DIP2A: variants seen among roughly 807,000 people sequenced by gnomAD.
The protein encoded by DIP2A is DIP2 acetate--CoA ligase A, also known as disco-interacting protein 2 homolog A.
DIP2A carries 85 observed loss-of-function variants against 177.4 expected under a neutral mutation model. The ratio of observed to expected loss-of-function variants is 0.48; its 90% CI spans 0.40 to 0.57. The LOEUF (loss-of-function observed/expected upper bound fraction) is 0.57. Among genes scored for constraint, DIP2A ranks in the 20% least tolerant of loss-of-function variants. DIP2A has a pLI of 0.00. For missense variants in DIP2A, 1,791 were observed against 2,100.2 expected (o/e 0.85, Z 2.88); for synonymous variants, 886 against 881.8 (o/e 1.00, Z -0.08).
intron 8 of DIP2A, among the ~76,000 whole-genome samples, chr21:46,515,909 C>T (rs971105769): frequency 1.9e-4 from 29 of 152,272 alleles, no homozygotes; most frequent in Middle Eastern, 3.4e-3. Context: ...TACATTCCTT[C>T]CTGAGATTCT....
chr21:46,504,507 TCTC>T lies in DIP2A; in HGVS notation c.784+22_784+24del, dbSNP rs2057871355. The T allele has an allele frequency of 6.3e-7, 1 of 1,590,806 alleles. No individual in the cohort carries two copies. ...AGCAGATGGTGAGCCTGCCTCTCTT[TCTC>T]CTCGTGAAATAGCAGAACACAGGTT... is the stretch of plus-strand genomic sequence containing the variant. On this transcript the variant is annotated intron_variant, in intron 6 of 37. Transcript: ENST00000417564.
intron 5 of DIP2A, among the ~76,000 whole-genome samples, chr21:46,500,400 G>A (rs1039232917): frequency 6.6e-6 from 1 of 152,150 alleles, no homozygotes; most frequent in Non-Finnish European, 1.5e-5. Context: ...TCCTCAAGGT[G>A]GTGTACAGTC....
intron 18 of DIP2A, among the ~76,000 whole-genome samples, chr21:46,544,551 T>C (rs1436159366): frequency 6.6e-6 from 1 of 152,170 alleles, no homozygotes; most frequent in Non-Finnish European, 1.5e-5. Flanking sequence ...TAGCCTGTAG[T>C]GTGTGCAGCA....
intron 2 of DIP2A, 137 bp downstream of exon 2, chr21:46,484,965 T>A: frequency 3.9e-6 from 3 of 761,752 alleles, no homozygotes; most frequent in Non-Finnish European, 5.9e-6. Flanking sequence ...GATTATTGAT[T>A]GAGACAGGGT....
intron 3 of DIP2A, among the ~76,000 whole-genome samples, chr21:46,496,690 G>A (rs535328312): frequency 3.0e-4 from 45 of 152,256 alleles, no homozygotes; most frequent in Middle Eastern, 3.4e-3. Context: ...AACAAGCATG[G>A]TTTAAACCAA....
chr21:46,535,900 A>G (rs1178143874), intron 13 of DIP2A, among the ~76,000 whole-genome samples: 1 of 152,154 alleles, frequency 6.6e-6, no homozygotes, highest in Non-Finnish European at 1.5e-5. Flanking sequence ...TGTGCTAACC[A>G]GGTATCTGCA....
the DIP2A span, among the ~76,000 whole-genome samples, chr21:46,580,878 T>A: frequency 6.6e-6 from 1 of 152,200 alleles, no homozygotes; most frequent in Non-Finnish European, 1.5e-5. Flanking sequence ...CCTTAACATT[T>A]TTTCCTTCAT....
Position 46,458,954 on chromosome 21 carries a change from G to A in DIP2A, c.-178G>A. 1 of 390,560 alleles carries A rather than the reference G, an allele frequency of 2.6e-6. No homozygotes were observed. The highest frequency in any genetic ancestry group is 4.3e-6 in the Non-Finnish European group (1 of 230,574). The allele number at this position is 390,560 out of a possible 1,614,324, so 24.2% of individuals were successfully genotyped here. A position where few individuals can be genotyped will look rare whatever the true frequency, so the allele number is the denominator to read the frequency against. On this transcript the variant is annotated 5_prime_UTR_variant, in exon 1 of 38. Transcript: ENST00000417564. Reference sequence around the variant, plus strand: ...GCGGCGGCGCGGCGGAGCCATCCGCGCTCGTGCCCGCGCGGGTGCGTTGCT... The same window carrying A: ...GCGGCGGCGCGGCGGAGCCATCCGCACTCGTGCCCGCGCGGGTGCGTTGCT...
At chr21:46,533,254 A>G (rs1314288984) in intron 10 of DIP2A, among the ~76,000 whole-genome samples, 2 of 152,264 alleles carry the variant, frequency 1.3e-5, no homozygotes, top group South Asian at 2.1e-4. Context: ...ATTTGTAAGA[A>G]TAAACTTTGA....
At chr21:46,479,306 A>G (rs2056165682) in intron 1 of DIP2A, among the ~76,000 whole-genome samples, 1 of 152,222 alleles carries the variant, frequency 6.6e-6, no homozygotes, top group Non-Finnish European at 1.5e-5. Context: ...TCCCATTGGA[A>G]GAGTTGGTCT....
rs552325804 is a variant in DIP2A at position 46,565,651 on chromosome 21, G to A, written c.4165-62G>A. ...ATTATTCTTGGCCAGTGGATGTCTC[G>A]TGACAGAATCTGAACTCGGTGGTTG... On this transcript the variant is annotated intron_variant, in intron 35 of 37. Transcript: ENST00000417564. The A allele has an allele frequency of 5.5e-4, 838 of 1,516,112 alleles. 3 individuals are homozygous for A. Among genetic ancestry groups the A allele is most frequent in the Non-Finnish European group, 5.1e-4 (574 of 1,120,228 alleles). 93.9% of individuals were successfully genotyped at this position (1,516,112 alleles called of 1,614,324 possible).
intron 2 of DIP2A, among the ~76,000 whole-genome samples, chr21:46,485,817 A>T (rs1190764060): frequency 6.6e-6 from 1 of 152,138 alleles, no homozygotes; most frequent in Non-Finnish European, 1.5e-5. Context: ...TCACGCCTGT[A>T]ATCCCAGCAC....
chr21:46,569,701 CTT>C lies in DIP2A; in HGVS notation c.*2081_*2082del, dbSNP rs979125825. On this transcript the variant is annotated 3_prime_UTR_variant, in exon 38 of 38. Transcript: ENST00000417564. ...TCATTATGTTAATAAAAGTTATTGA[CTT>C]TGTAATTCTGCATTTTGAAATGTGT... is the stretch of plus-strand genomic sequence containing the variant. 2 of 152,092 alleles carry C rather than the reference CTT, an allele frequency of 1.3e-5. No homozygotes were observed. Among genetic ancestry groups the C allele is most frequent in the Non-Finnish European group, 2.9e-5 (2 of 68,018 alleles). 9.4% of individuals were successfully genotyped at this position (152,092 alleles called of 1,614,324 possible).
At chr21:46,571,377 C>T (rs753422653), downstream of DIP2A, among the ~76,000 whole-genome samples, 1 of 152,124 alleles carries the variant, frequency 6.6e-6, no homozygotes, top group African/African-American at 2.4e-5. Flanking sequence ...AAACTAGAGG[C>T]CAGAAGGTAG....
intron 1 of DIP2A, among the ~76,000 whole-genome samples, chr21:46,468,178 A>C (rs945917913): frequency 5.7e-4 from 85 of 149,316 alleles, no homozygotes; most frequent in African/African-American, 2.1e-3. Flanking sequence ...AGGCAGGAGA[A>C]TCTCTTGAAC....
intron 1 of DIP2A, among the ~76,000 whole-genome samples, chr21:46,471,949 T>C (rs946482646): frequency 6.6e-6 from 1 of 152,266 alleles, no homozygotes; most frequent in Non-Finnish European, 1.5e-5. Flanking sequence ...TTTACACTCT[T>C]TCAGATTTTA....
At chr21:46,512,821 CAAA>C (rs945248890) in intron 8 of DIP2A, among the ~76,000 whole-genome samples, 1 of 51,654 alleles carries the variant, frequency 1.9e-5, no homozygotes, top group Non-Finnish European at 3.8e-5. Flanking sequence ...ACAAACAAAA[CAAA>C]AAAAACTTTT....
intron 23 of DIP2A, 60 bp downstream of exon 23, chr21:46,550,804 T>C (rs2148866713): frequency 6.4e-7 from 1 of 1,558,664 alleles, no homozygotes; most frequent in Non-Finnish European, 8.8e-7. Flanking sequence ...GCGGTGCTTG[T>C]GGTTAGGGTG....
intron 35 of DIP2A, among the ~76,000 whole-genome samples, chr21:46,565,243 C>CA (rs1644129485): frequency 6.6e-6 from 1 of 152,256 alleles, no homozygotes; most frequent in South Asian, 2.1e-4. Flanking sequence ...GACGCACACA[C>CA]ACGCGCGTGG....
Sources: allele counts gnomAD v4.1 joint callset (sites outside exome capture counted in the v4.1 genomes callset), GRCh38; gene constraint gnomAD v4.1.1; transcripts MANE v1.5; gene names NCBI Gene and HGNC (gene_info 2026-07-23, HGNC 2026-07-21).